The following TBCA variants were observed in gnomAD, a reference collection of about 807,000 sequenced individuals.
The protein encoded by TBCA is tubulin-specific chaperone A.
A neutral mutation model predicts 15.8 loss-of-function variants in TBCA; 6 were observed. That is an observed-to-expected ratio of 0.38 (90% CI 0.21 to 0.75). The LOEUF (loss-of-function observed/expected upper bound fraction) is 0.75. TBCA is among the 30% of genes least tolerant of loss of function. The pLI is 0.46. For missense variants in TBCA, 90 were observed against 131.2 expected (o/e 0.69, Z 1.53); for synonymous variants, 32 against 42.3 (o/e 0.76, Z 0.94).
chr5:77,704,908 C>T (rs985190471), intron 2 of TBCA, among the ~76,000 whole-genome samples: 4 of 152,288 alleles, frequency 2.6e-5, no homozygotes, highest in South Asian at 2.1e-4. Context: ...CTAACAAATC[C>T]TGTTAAAAAA....
intron 1 of TBCA, among the ~76,000 whole-genome samples, chr5:77,708,918 T>A (rs1012638476): frequency 6.6e-6 from 1 of 151,954 alleles, no homozygotes; most frequent in South Asian, 2.1e-4. Context: ...TTCAGTATAT[T>A]ATAATTACAA....
At chr5:77,723,059 A>T (rs1470213226) in intron 1 of TBCA, among the ~76,000 whole-genome samples, 2 of 151,874 alleles carry the variant, frequency 1.3e-5, no homozygotes, top group East Asian at 3.9e-4. Flanking sequence ...TTTAGTAGAA[A>T]GTAGCTATAC....
intron 2 of TBCA, among the ~76,000 whole-genome samples, chr5:77,695,345 T>C (rs1198159426): frequency 2.0e-5 from 3 of 152,188 alleles, no homozygotes; most frequent in African/African-American, 7.2e-5. Context: ...AAGTTTACTA[T>C]ACGTCTTCAG....
At chr5:77,711,037 G>T (rs1746267028) in intron 1 of TBCA, among the ~76,000 whole-genome samples, 1 of 152,030 alleles carries the variant, frequency 6.6e-6, no homozygotes, top group Non-Finnish European at 1.5e-5. Flanking sequence ...CTTAAACAGG[G>T]GTAGGCAAAC....
chr5:77,730,092 T>G (rs768585291), intron 1 of TBCA, among the ~76,000 whole-genome samples: 6 of 152,224 alleles, frequency 3.9e-5, no homozygotes, highest in Non-Finnish European at 8.8e-5. Context: ...AAAGACTCTA[T>G]TCTTAAGACT....
At chr5:77,760,367 C>T (rs948034440) in intron 1 of TBCA, among the ~76,000 whole-genome samples, 1 of 152,166 alleles carries the variant, frequency 6.6e-6, no homozygotes. Flanking sequence ...TAATACTCTA[C>T]GGCCCTCCCT....
Position 77,776,337 on chromosome 5 carries a change from T to G in TBCA, c.-80A>C. 6.6e-7 allele frequency: 1 copy of G among 1,515,098 alleles called. No individual in the cohort carries two copies. The highest frequency in any genetic ancestry group is 8.9e-7 in the Non-Finnish European group (1 of 1,118,874). The allele number at this position is 1,515,098 out of a possible 1,614,324, so 93.9% of individuals were successfully genotyped here. A position where few individuals can be genotyped will look rare whatever the true frequency, so the allele number is the denominator to read the frequency against. ...GCGACGCGCAGAGGCTGCGGCTATT[T>G]AGGCGTGGTCGCCGGCGCGCATGCG... On this transcript the variant is annotated 5_prime_UTR_variant, in exon 1 of 4. Coordinates refer to ENST00000380377, the MANE Select transcript of TBCA (RefSeq NM_004607.3).
At chr5:77,758,925 A>T (rs949014189) in intron 1 of TBCA, among the ~76,000 whole-genome samples, 3 of 152,170 alleles carry the variant, frequency 2.0e-5, no homozygotes, top group African/African-American at 7.2e-5. Flanking sequence ...TCTGTGATCA[A>T]TTATCACTTT....
In TBCA at chr5:77,742,968, C is replaced by G. The variant is rs567976180; in HGVS notation, c.53+33237G>C. Among the ~76,000 whole-genome samples the G allele has an allele frequency of 3.3e-5, 5 of 152,298 alleles. No individual in the cohort carries two copies. The South Asian group carries it at 1.0e-3, about 32-fold the overall frequency. ...TGCAAGTCTGGGGATTAGAAAAGAT[C>G]TCTGAACACATCCCTCAACAAGATA... is the stretch of plus-strand genomic sequence containing the variant. On this transcript the variant is annotated intron_variant, in intron 1 of 3. Transcript: ENST00000380377.
intron 1 of TBCA, among the ~76,000 whole-genome samples, chr5:77,768,874 C>T (rs768189172): frequency 3.9e-5 from 6 of 152,196 alleles, no homozygotes; most frequent in Non-Finnish European, 8.8e-5. Flanking sequence ...GAGTTTTAGA[C>T]TGCCATTATT....
chr5:77,736,579 C>T (rs1262452317), intron 1 of TBCA, among the ~76,000 whole-genome samples: 4 of 152,272 alleles, frequency 2.6e-5, no homozygotes, highest in East Asian at 1.9e-4. Context: ...AATGTCCATG[C>T]GATGCCCCCC....
intron 1 of TBCA, among the ~76,000 whole-genome samples, chr5:77,709,163 G>A (rs552816896): frequency 5.9e-5 from 9 of 152,136 alleles, no homozygotes; most frequent in East Asian, 5.8e-4. Context: ...TTTATTGTGC[G>A]TTTAATTTTA....
intron 1 of TBCA, among the ~76,000 whole-genome samples, chr5:77,772,236 G>A (rs1247172071): frequency 6.6e-6 from 1 of 152,086 alleles, no homozygotes. Flanking sequence ...TTCAACTTAT[G>A]TACAGAAAAA....
rs531337480 is a variant in TBCA, at chr5:77,714,723, C to T, written c.54-6376G>A. Among the ~76,000 whole-genome samples, 12 of 152,172 alleles carry T rather than the reference C, an allele frequency of 7.9e-5. No individual in the cohort carries two copies. The South Asian group carries it at 1.5e-3, about 18-fold the overall frequency. On this transcript the variant is annotated intron_variant, in intron 1 of 3. Transcript: ENST00000380377. Reference sequence around the variant, plus strand: ...CTGGGACTACAGGCACCTGCCACCACGGCCAGCTAATTTTTTGTATTTCTA... The same window carrying T: ...CTGGGACTACAGGCACCTGCCACCATGGCCAGCTAATTTTTTGTATTTCTA...
intron 1 of TBCA, among the ~76,000 whole-genome samples, chr5:77,725,652 A>T (rs1319502824): frequency 1.3e-5 from 2 of 152,170 alleles, no homozygotes; most frequent in East Asian, 3.8e-4. Flanking sequence ...AATCAGTTAC[A>T]TTATGGGGCC....
At chr5:77,717,282 G>C (rs1409284111) in intron 1 of TBCA, among the ~76,000 whole-genome samples, 2 of 152,180 alleles carry the variant, frequency 1.3e-5, no homozygotes, top group Non-Finnish European at 2.9e-5. Flanking sequence ...TAAAATGATA[G>C]TCACTAACAG....
At chr5:77,768,475 T>G (rs1343118487) in intron 1 of TBCA, among the ~76,000 whole-genome samples, 1 of 152,198 alleles carries the variant, frequency 6.6e-6, no homozygotes, top group African/African-American at 2.4e-5. Flanking sequence ...TAAATAACTA[T>G]TCTGCAATTA....
chr5:77,719,910 T>C (rs979380434), intron 1 of TBCA, among the ~76,000 whole-genome samples: 1 of 152,104 alleles, frequency 6.6e-6, no homozygotes, highest in African/African-American at 2.4e-5. Context: ...GAGAAAGCAA[T>C]AGCACCTCCC....
At chr5:77,774,307 T>G (rs1747974285) in intron 1 of TBCA, among the ~76,000 whole-genome samples, 2 of 152,352 alleles carry the variant, frequency 1.3e-5, no homozygotes, top group South Asian at 4.1e-4. Context: ...GGGGAAAATC[T>G]ATATTCTGTA....
Sources: allele counts gnomAD v4.1 joint callset (sites outside exome capture counted in the v4.1 genomes callset), GRCh38; gene constraint gnomAD v4.1.1; transcripts MANE v1.5; gene names NCBI Gene and HGNC (gene_info 2026-07-23, HGNC 2026-07-21).